The following ZNF292 variants were observed in gnomAD, a reference collection of about 807,000 sequenced individuals.
ZNF292 encodes zinc finger protein 292.
Under a neutral mutation model 217.9 loss-of-function variants are expected in ZNF292, and 26 were observed. The ratio of observed to expected loss-of-function variants is 0.12; its 90% confidence interval spans 0.09 to 0.17. The LOEUF (loss-of-function observed/expected upper bound fraction) is 0.17, where lower values mean the gene tolerates loss of function less well. Ranked by LOEUF, ZNF292 falls within the 10% of genes least tolerant of loss-of-function variation. The pLI, the probability that ZNF292 is intolerant of heterozygous loss-of-function variation, is 1.00. For synonymous variants in ZNF292, 1,257 were observed against 1,124.1 expected, an observed-to-expected ratio of 1.12 and a Z score of -2.37; for missense variants, 2,904 against 3,175.2, an observed-to-expected ratio of 0.91 and a Z score of 2.05.
In ZNF292 at chr6:87,260,251, A is replaced by T. The variant is rs1189179362; in HGVS notation, c.6622A>T (p.Thr2208Ser). The change falls in exon 8 of 8, where the codon ACT becomes TCT. Residue 2208 changes from threonine (T) to serine (S), a missense_variant. Around this residue, in one of 15 missense-constraint regions of ZNF292, gnomAD observed 261 missense variants for 272.8 expected, o/e 0.96. Transcript: ENST00000369577. Reference sequence around the variant, plus strand: ...GACTCCTGAAGAAATTGAAAGTATGACTGCTTCAGTGGATGTTGGGAAGTT... The same window carrying T: ...GACTCCTGAAGAAATTGAAAGTATGTCTGCTTCAGTGGATGTTGGGAAGTT... ...EMTPEEIESMTASVDVGKFPC... is the reference protein window; with the variant it reads ...EMTPEEIESMSASVDVGKFPC... 3 of 1,613,674 alleles carry T rather than the reference A, an allele frequency of 1.9e-6. No individual in the cohort carries two copies. The highest frequency in any genetic ancestry group is 2.5e-6 in the Non-Finnish European group (3 of 1,179,642).
At chr6:87,172,895 C>G (rs563366779) in intron 1 of ZNF292, among the ~76,000 whole-genome samples, 72 of 146,220 alleles carry the variant, frequency 4.9e-4, no homozygotes, top group African/African-American at 1.8e-3. Flanking sequence ...GAATGAGACT[C>G]TGTCTCAAAA....
rs762743147 is a variant in ZNF292, at chr6:87,259,758, A to G, written c.6129A>G (p.Gln2043=). 54 of 1,602,514 alleles carry G rather than the reference A, an allele frequency of 3.4e-5. 1 individual carries two copies. In the South Asian group the frequency reaches 4.3e-4, roughly 13 times the overall value. ...ATGTAGCAGTGATCCCAGAAAAACA[A>G]CTTGTAGAAAAAAAAAGTCCTGACA... ...HSNVAVIPEK[Q]LVEKKSPDKT... is the part of the protein sequence containing the mutation. The change falls in exon 8 of 8, where the codon CAA becomes CAG. Residue 2043 remains glutamine (Q), a synonymous_variant. Coordinates refer to ENST00000369577, the MANE Select transcript of ZNF292 (RefSeq NM_015021.3).
rs1775638130 is a variant in ZNF292 at position 87,262,102 on chromosome 6, T to A, written c.*301T>A. The A allele has an allele frequency of 1.0e-5, 2 of 197,778 alleles. No homozygotes were observed. The highest frequency in any genetic ancestry group is 2.7e-4 in the South Asian group (2 of 7,292). The allele number at this position is 197,778 out of a possible 1,614,324, so 12.3% of individuals were successfully genotyped here. A position where few individuals can be genotyped will look rare whatever the true frequency, so the allele number is the denominator to read the frequency against. On this transcript the variant is annotated 3_prime_UTR_variant, in exon 8 of 8. Coordinates refer to ENST00000369577, the MANE Select transcript of ZNF292 (RefSeq NM_015021.3). The stretch of plus-strand genomic sequence containing the variant: ...CAATTATCTGTGTGATTGGTATGTT[T>A]CACCAGGTCACTGCTCATGTATAAC...
intron 1 of ZNF292, among the ~76,000 whole-genome samples, chr6:87,180,079 C>G (rs374071033): frequency 6.6e-6 from 1 of 152,174 alleles, no homozygotes; most frequent in Non-Finnish European, 1.5e-5. Flanking sequence ...CTTGGCTTCC[C>G]TGGGCCACAT....
chr6:87,261,703 G>A lies in ZNF292; in HGVS notation c.8074G>A (p.Val2692Ile), dbSNP rs753693828. 21 of 1,612,970 alleles carry A rather than the reference G, an allele frequency of 1.3e-5. No individual in the cohort carries two copies. Among genetic ancestry groups the A allele is most frequent in the Non-Finnish European group, 1.5e-5 (18 of 1,179,352 alleles). The change falls in exon 8 of 8, where the codon GTC becomes ATC. Residue 2692 changes from valine (V) to isoleucine (I), a missense_variant. Transcript: ENST00000369577. Reference protein sequence around the residue: ...LKQLQEMKPTVSLKKLEVHSN... With the variant: ...LKQLQEMKPTISLKKLEVHSN... ...GCAACTTCAGGAAATGAAACCTACCGTCAGTCTGAAAAAACTTGAAGTACA... is the reference window on the plus strand; with the variant it reads ...GCAACTTCAGGAAATGAAACCTACCATCAGTCTGAAAAAACTTGAAGTACA...
At chr6:87,208,260 G>T (rs1253481491) in intron 1 of ZNF292, among the ~76,000 whole-genome samples, 1 of 151,940 alleles carries the variant, frequency 6.6e-6, no homozygotes, top group Non-Finnish European at 1.5e-5. Flanking sequence ...TAATTGTGCT[G>T]GACATTCAGT....
rs764127703 is a variant in ZNF292 at position 87,258,824 on chromosome 6, C to T, written c.5195C>T (p.Ala1732Val). The change falls in exon 8 of 8, where the codon GCT (alanine) becomes GTT (valine). Residue 1732 changes from alanine (A) to valine (V), a missense_variant. Transcript: ENST00000369577. Reference sequence around the variant, plus strand: ...GAAAATGGTGATTCCCAAATGATGGCTTTGAATTCATGCACAACTTCAATA... The same window carrying T: ...GAAAATGGTGATTCCCAAATGATGGTTTTGAATTCATGCACAACTTCAATA... ...KTENGDSQMM[A>V]LNSCTTSINS... The T allele has an allele frequency of 3.1e-6, 5 of 1,612,530 alleles. No homozygotes were observed. The highest frequency in any genetic ancestry group is 4.2e-6 in the Non-Finnish European group (5 of 1,179,276).
chr6:87,189,591 G>A (rs1771769814), intron 1 of ZNF292, among the ~76,000 whole-genome samples: 1 of 151,466 alleles, frequency 6.6e-6, no homozygotes, highest in Non-Finnish European at 1.5e-5. Flanking sequence ...TAGAATATAT[G>A]AATTTGTCTA....
rs1035515090 is a variant in ZNF292, at chr6:87,243,809, A to G, written c.878+198A>G. ...AACTTTGTGTATTAAAGGCCACACA[A>G]TTCCTTAGCATGCATACCAGGAATT... is the stretch of plus-strand genomic sequence containing the variant. On this transcript the variant is annotated intron_variant, in intron 6 of 7. Transcript: ENST00000369577. Among the ~76,000 whole-genome samples, 13 of 152,218 alleles carry G rather than the reference A, an allele frequency of 8.5e-5. 1 individual carries two copies. The highest frequency in any genetic ancestry group is 7.7e-4 in the East Asian group (4 of 5,198).
intron 1 of ZNF292, among the ~76,000 whole-genome samples, chr6:87,188,077 C>T (rs1771717187): frequency 1.3e-5 from 2 of 152,092 alleles, no homozygotes; most frequent in South Asian, 4.1e-4. Context: ...GGGAAAAGAC[C>T]CTAAAAGACT....
chr6:87,177,995 T>C (rs893335377), intron 1 of ZNF292, among the ~76,000 whole-genome samples: 6 of 152,202 alleles, frequency 3.9e-5, no homozygotes, highest in African/African-American at 1.4e-4. Flanking sequence ...ACAGCTTATG[T>C]ATCCTCCCTC....
intron 1 of ZNF292, chr6:87,173,302 A>G (rs1771169027): frequency 2.0e-5 from 3 of 152,160 alleles, no homozygotes; most frequent in Admixed American, 2.0e-4. Flanking sequence ...TTATTCATCC[A>G]TTGTGTATAA....
At chr6:87,167,223 T>C (rs537935717) in intron 1 of ZNF292, among the ~76,000 whole-genome samples, 1 of 152,340 alleles carries the variant, frequency 6.6e-6, no homozygotes, top group Admixed American at 6.5e-5. Context: ...GTACTATTGG[T>C]ATAGGAAAAA....
chr6:87,257,878 G>A lies in ZNF292; in HGVS notation c.4249G>A (p.Gly1417Arg), dbSNP rs774651954. ...EIAQELLQSN[G>R]QPSLLASMIL... The stretch of plus-strand genomic sequence containing the variant: ...TGCTCAAGAACTTCTACAGAGTAAT[G>A]GACAGCCTTCTCTTCTTGCCAGCAT... The change falls in exon 8 of 8, where the codon GGA becomes AGA. Residue 1417 changes from glycine (G) to arginine (R), a missense_variant. Transcript: ENST00000369577. 3.1e-6 allele frequency: 5 copies of A among 1,613,858 alleles called. No individual in the cohort carries two copies. The Admixed American group carries it at 6.7e-5, about 22-fold the overall frequency.
chr6:87,207,326 A>G (rs1325270362), intron 1 of ZNF292, among the ~76,000 whole-genome samples: 3 of 152,230 alleles, frequency 2.0e-5, no homozygotes, highest in Non-Finnish European at 4.4e-5. Context: ...AGATTGCTTT[A>G]GCTGCATCCT....
rs748766210 is a variant in ZNF292, at chr6:87,258,538, C to T, written c.4909C>T (p.Pro1637Ser). Reference sequence around the variant, plus strand: ...TAAGAGAAGAAAGAAAGTTGCTCCTCCACTAATTGCACCTAACGCTTCCCA... The same window carrying T: ...TAAGAGAAGAAAGAAAGTTGCTCCTTCACTAATTGCACCTAACGCTTCCCA... The part of the protein sequence containing the change: ...ASKRRKKVAP[P>S]LIAPNASQNL... The change falls in exon 8 of 8, where the codon CCA (proline) becomes TCA (serine). Residue 1637 changes from proline (P) to serine (S), a missense_variant. Pro to Ser is a moderately conservative substitution (Grantham distance 74, BLOSUM62 -1). This residue lies in a region of ZNF292 where 622 missense variants were observed against 573.1 expected (regional missense o/e 1.09). Transcript: ENST00000369577. 2 of 1,613,632 alleles carry T rather than the reference C, an allele frequency of 1.2e-6. No individual in the cohort carries two copies. Among genetic ancestry groups the T allele is most frequent in the Non-Finnish European group, 8.5e-7 (1 of 1,179,740 alleles).
intron 1 of ZNF292, among the ~76,000 whole-genome samples, chr6:87,193,478 T>C (rs1273738794): frequency 6.6e-6 from 1 of 150,550 alleles, no homozygotes; most frequent in African/African-American, 2.4e-5. Flanking sequence ...AGGTTGAGGC[T>C]GGAGTGAGCC....
rs376603002 is a variant in ZNF292 at position 87,259,844 on chromosome 6, T to G, written c.6215T>G (p.Leu2072Arg). 3.2e-5 allele frequency: 52 copies of G among 1,612,558 alleles called. No homozygotes were observed. In the South Asian group the frequency reaches 4.0e-4, roughly 12 times the overall value. The change falls in exon 8 of 8, where the codon CTC becomes CGC. Residue 2072 changes from leucine (L) to arginine (R), a missense_variant. By Grantham distance (102) the Leu-to-Arg change is moderately radical (BLOSUM62 -2). Coordinates refer to ENST00000369577, the MANE Select transcript of ZNF292 (RefSeq NM_015021.3). ...VTSEQCNTNA[L>R]TNTQTKGRKI... ...TCAGAACAATGTAATACAAATGCACTCACAAACACACAAACCAAAGGACGG... is the reference window on the plus strand; with the variant it reads ...TCAGAACAATGTAATACAAATGCACGCACAAACACACAAACCAAAGGACGG...
At chr6:87,182,456 G>C (rs1183756877) in intron 1 of ZNF292, among the ~76,000 whole-genome samples, 3 of 152,176 alleles carry the variant, frequency 2.0e-5, no homozygotes, top group Non-Finnish European at 2.9e-5. Flanking sequence ...CCAAGTAGGA[G>C]GCTCGGGTAA....
Sources: gnomAD v4.1 joint callset for allele counts (sites outside exome capture counted in the v4.1 genomes callset) on GRCh38, gnomAD v4.1.1 for gene constraint, gnomAD v4.1.1 regional missense constraint, MANE v1.5 for transcripts, NCBI Gene and HGNC (gene_info 2026-07-23, HGNC 2026-07-21) for gene names.